Variants in SPON1 observed in about 807,000 individuals in gnomAD.
The protein encoded by SPON1 is spondin-1.
In SPON1, 52 loss-of-function variants were observed where a neutral mutation model predicts 111.7. The observed-to-expected ratio is 0.47, with a 90% CI of 0.37 to 0.59. The LOEUF (loss-of-function observed/expected upper bound fraction) is 0.59. Ranked by LOEUF, SPON1 falls within the 20% of genes least tolerant of loss-of-function variation. The pLI is 0.00. For synonymous variants in SPON1, 410 were observed against 395.8 expected (o/e 1.04, Z -0.43); for missense variants, 957 against 1,068.5 (o/e 0.90, Z 1.46).
intron 15 of SPON1, among the ~76,000 whole-genome samples, chr11:14,264,905 T>C (rs1374063418): frequency 6.6e-6 from 1 of 152,178 alleles, no homozygotes; most frequent in Non-Finnish European, 1.5e-5. Context: ...AGCCAAGTAC[T>C]TGGGGAGTAA....
chr11:14,236,479 A>G (rs1554939236), intron 6 of SPON1, among the ~76,000 whole-genome samples: 1 of 152,218 alleles, frequency 6.6e-6, no homozygotes, highest in East Asian at 1.9e-4. Flanking sequence ...AGATACCCAG[A>G]TGAAAATGTT....
chr11:14,103,313 C>T (rs1309701148), intron 5 of SPON1, among the ~76,000 whole-genome samples: 2 of 152,118 alleles, frequency 1.3e-5, no homozygotes, highest in East Asian at 1.9e-4. Context: ...AAGTGTATAC[C>T]CAGTGAAGGC....
At chr11:14,015,011 GAA>G (rs1470348644) in intron 2 of SPON1, among the ~76,000 whole-genome samples, 1 of 152,116 alleles carries the variant, frequency 6.6e-6, no homozygotes, top group Admixed American at 6.5e-5. Flanking sequence ...TGTCTATGGA[GAA>G]AATCTTAACA....
At chr11:14,061,367 T>C (rs1336434137) in intron 3 of SPON1, among the ~76,000 whole-genome samples, 1 of 152,250 alleles carries the variant, frequency 6.6e-6, no homozygotes, top group Admixed American at 6.5e-5. Context: ...TATGTATCTA[T>C]CATTCTATCC....
At chr11:14,226,417 C>T (rs139373542) in intron 6 of SPON1, among the ~76,000 whole-genome samples, 1 of 152,330 alleles carries the variant, frequency 6.6e-6, no homozygotes, top group Non-Finnish European at 1.5e-5. Context: ...GCTGGCAACA[C>T]AGTACACTGT....
At chr11:14,197,630 G>A (rs973439451) in intron 6 of SPON1, among the ~76,000 whole-genome samples, 17 of 144,132 alleles carry the variant, frequency 1.2e-4, no homozygotes, top group Middle Eastern at 3.5e-3. Flanking sequence ...CAGTGGAACC[G>A]CACCTCTACT....
chr11:14,168,797 C>T (rs61219384), intron 6 of SPON1, among the ~76,000 whole-genome samples: 26,991 of 152,096 alleles, frequency 0.18, 2,534 homozygotes, highest in Admixed American at 0.24. Flanking sequence ...TGATGGTTTC[C>T]AGCTTCATCC....
chr11:14,004,463 G>A (rs1350312954), intron 2 of SPON1, among the ~76,000 whole-genome samples: 1 of 152,068 alleles, frequency 6.6e-6, no homozygotes, highest in East Asian at 1.9e-4. Flanking sequence ...AGCATACAGG[G>A]TTACCTTTTC....
intron 5 of SPON1, among the ~76,000 whole-genome samples, chr11:14,086,766 C>T (rs1020269276): frequency 1.1e-4 from 16 of 152,126 alleles, no homozygotes; most frequent in African/African-American, 3.4e-4. Context: ...GCTGTGAATC[C>T]GTCTGGTCCT....
At chr11:14,264,504 T>G (rs1310825516) in intron 15 of SPON1, among the ~76,000 whole-genome samples, 35 of 152,202 alleles carry the variant, frequency 2.3e-4, no homozygotes, top group Admixed American at 3.9e-4. Flanking sequence ...TTTTCTGATT[T>G]TTAAAGGCCT....
At chr11:14,048,452 G>A (rs782531038) in intron 3 of SPON1, among the ~76,000 whole-genome samples, 5 of 152,172 alleles carry the variant, frequency 3.3e-5, no homozygotes, top group Admixed American at 6.5e-5. Context: ...TGAAGCCCAC[G>A]TAGCTGGTTG....
intron 3 of SPON1, among the ~76,000 whole-genome samples, chr11:14,046,151 G>A (rs1848666603): frequency 6.6e-6 from 1 of 152,156 alleles, no homozygotes; most frequent in African/African-American, 2.4e-5. Flanking sequence ...TACAAGGAGG[G>A]CCTGAAGAAG....
Position 14,156,118 on chromosome 11 carries a change from A to G in SPON1, c.825+20550A>G, listed in dbSNP as rs1847842932. On this transcript the variant is annotated intron_variant, in intron 6 of 15. Coordinates refer to ENST00000576479, the MANE Select transcript of SPON1 (RefSeq NM_006108.4). ...AGTTTACAGTCCCACCAACAGTGTA[A>G]AAGTGTTCCTATTTCTCCACATCCT... 1.6e-5 allele frequency among the ~76,000 whole-genome samples: 2 copies of G among 123,040 alleles called. 1 individual carries two copies. Among genetic ancestry groups the G allele is most frequent in the South Asian group, 5.6e-4 (2 of 3,584 alleles). The allele number at this position is 123,040 out of a possible 152,430, so 80.7% of individuals were successfully genotyped here.
chr11:14,247,644 G>T (rs1437797776), intron 7 of SPON1, among the ~76,000 whole-genome samples: 1 of 152,106 alleles, frequency 6.6e-6, no homozygotes, highest in Non-Finnish European at 1.5e-5. Context: ...AAATCAACAG[G>T]CTGTGGCGAT....
chr11:14,244,366 A>C (rs1848963978), intron 7 of SPON1, among the ~76,000 whole-genome samples: 1 of 152,078 alleles, frequency 6.6e-6, no homozygotes, highest in Non-Finnish European at 1.5e-5. Flanking sequence ...AAAAATACAA[A>C]AATTAGCTGG....
chr11:13,969,761 A>G (rs1344483348), intron 1 of SPON1, among the ~76,000 whole-genome samples: 5 of 152,226 alleles, frequency 3.3e-5, no homozygotes, highest in Non-Finnish European at 1.5e-5. Flanking sequence ...AGCCTTATCT[A>G]AACACCCTAC....
intron 5 of SPON1, among the ~76,000 whole-genome samples, chr11:14,100,143 G>GTT (rs10585637): frequency 2.1e-5 from 3 of 145,924 alleles, no homozygotes; most frequent in Admixed American, 6.8e-5. Flanking sequence ...TACTTACTGA[G>GTT]TTTTTTTTTT....
At chr11:14,070,110 A>G (rs1848863449) in intron 3 of SPON1, among the ~76,000 whole-genome samples, 1 of 152,216 alleles carries the variant, frequency 6.6e-6, no homozygotes, top group South Asian at 2.1e-4. Context: ...CGGCCTCAGC[A>G]TCTGATATTA....
chr11:14,165,568 G>A (rs994701467), intron 6 of SPON1, among the ~76,000 whole-genome samples: 7 of 152,202 alleles, frequency 4.6e-5, no homozygotes, highest in African/African-American at 9.7e-5. Flanking sequence ...TAACGAGTCC[G>A]AGGATGAGGA....
Sources: gnomAD v4.1 joint callset for allele counts (sites outside exome capture counted in the v4.1 genomes callset) on GRCh38, gnomAD v4.1.1 for gene constraint, MANE v1.5 for transcripts, NCBI Gene and HGNC (gene_info 2026-07-23, HGNC 2026-07-21) for gene names.